Variants in CTNNA1 observed in about 807,000 individuals in gnomAD.
CTNNA1 encodes catenin alpha-1.
A neutral mutation model predicts 98.4 loss-of-function variants in CTNNA1; 37 were observed. The observed-to-expected ratio is 0.38, with a 90% confidence interval of 0.29 to 0.49. CTNNA1 has a LOEUF of 0.49. CTNNA1 is among the 20% of genes least tolerant of loss of function. The probability of loss-of-function intolerance (pLI) is 0.95; values close to 1 mark genes in which losing one functional copy is unlikely to be tolerated. For missense variants in CTNNA1, 761 were observed against 1,147.2 expected (o/e 0.66, Z 4.86); for synonymous variants, 404 against 413.2 (o/e 0.98, Z 0.27).
chr5:138,818,725 C>T lies in CTNNA1; in HGVS notation c.589-5805C>T, dbSNP rs1271605050. On this transcript the variant is annotated intron_variant, in intron 5 of 17. Coordinates refer to ENST00000302763, the MANE Select transcript of CTNNA1 (RefSeq NM_001903.5). Reference sequence around the variant, plus strand: ...GGTGTCAAGGGTTTTTGGGGTCCTCCTCTTCTTGTTTTTCTCACAGTAGGG... The same window carrying T: ...GGTGTCAAGGGTTTTTGGGGTCCTCTTCTTCTTGTTTTTCTCACAGTAGGG... Among the ~76,000 whole-genome samples, 3 of 152,092 alleles carry T rather than the reference C, an allele frequency of 2.0e-5. No homozygotes were observed. The East Asian group carries it at 5.8e-4, about 29-fold the overall frequency.
chr5:138,874,631 C>A lies in CTNNA1; in HGVS notation c.1063-11581C>A. On this transcript the variant is annotated intron_variant, in intron 7 of 17. Transcript: ENST00000302763. The surrounding 1 kb of genome is among the most constrained non-coding windows in gnomAD (Gnocchi z 4.1). ...GAACATATGGGCTATTTAAAAAAAACAACCACCACCAACATTATAGCAAAA... is the reference window on the plus strand; with the variant it reads ...GAACATATGGGCTATTTAAAAAAAAAAACCACCACCAACATTATAGCAAAA... 5.6e-6 allele frequency: 5 copies of A among 887,252 alleles called. No homozygotes were observed. The highest frequency in any genetic ancestry group is 2.7e-5 in the East Asian group (1 of 37,482). 55.0% of individuals were successfully genotyped at this position (887,252 alleles called of 1,614,324 possible).
chr5:138,848,117 A>G (rs1181281152), intron 7 of CTNNA1, among the ~76,000 whole-genome samples: 1 of 152,054 alleles, frequency 6.6e-6, no homozygotes, highest in Admixed American at 6.5e-5. Context: ...TGCTGTTGGC[A>G]TAAAGATAAA....
intron 1 of CTNNA1, among the ~76,000 whole-genome samples, chr5:138,762,608 C>A (rs1171935096): frequency 6.6e-6 from 1 of 151,664 alleles, no homozygotes; most frequent in Admixed American, 6.6e-5. Context: ...TGTCATCGAT[C>A]AACCCCTCTT....
intron 2 of CTNNA1, among the ~76,000 whole-genome samples, chr5:138,782,757 C>G (rs1215776887): frequency 6.6e-6 from 1 of 152,178 alleles, no homozygotes; most frequent in African/African-American, 2.4e-5. Context: ...CAAAAGACTT[C>G]AGAAGCAAAT....
At chr5:138,932,979 TC>T (rs1179854117) in intron 17 of CTNNA1, 2 of 766,436 alleles carry the variant, frequency 2.6e-6, no homozygotes, top group Admixed American at 1.7e-5. Flanking sequence ...TTAAAAATCT[TC>T]CTTGGGACCG....
At chr5:138,768,605 C>G in intron 1 of CTNNA1, among the ~76,000 whole-genome samples, 1 of 114,282 alleles carries the variant, frequency 8.8e-6, no homozygotes, top group Non-Finnish European at 1.6e-5. Flanking sequence ...TGCTGTGTTG[C>G]TTAGGCTGGA....
chr5:138,900,856 C>T (rs936222592), intron 9 of CTNNA1, among the ~76,000 whole-genome samples: 4 of 152,126 alleles, frequency 2.6e-5, no homozygotes, highest in South Asian at 2.1e-4. Context: ...CCTGCTCTTC[C>T]GCAAGGTCCA....
intron 5 of CTNNA1, among the ~76,000 whole-genome samples, chr5:138,819,830 G>A (rs1422821822): frequency 6.7e-6 from 1 of 149,168 alleles, no homozygotes; most frequent in Non-Finnish European, 1.5e-5. Context: ...GGAGGGGCAT[G>A]GTAGGAGGTG....
intron 7 of CTNNA1, among the ~76,000 whole-genome samples, chr5:138,881,760 G>A (rs1752951042): frequency 7.6e-6 from 1 of 131,846 alleles, no homozygotes; most frequent in African/African-American, 3.0e-5. Context: ...ATAATTCATT[G>A]TTTGTTGTTG....
At position 138,932,588 on chromosome 5, in the gene CTNNA1, C is replaced by T. The variant is rs2150349053; in HGVS notation, c.2309C>T (p.Ser770Leu). 4 of 1,614,132 alleles carry T rather than the reference C, an allele frequency of 2.5e-6. No homozygotes were observed. Among genetic ancestry groups the T allele is most frequent in the Non-Finnish European group, 2.5e-6 (3 of 1,180,006 alleles). Residue 770 changes from serine (S) to leucine (L), a missense_variant, in exon 17 of 18, where the codon TCG becomes TTG. Physicochemically the swap from Ser to Leu is moderately radical, Grantham distance 145. This residue lies in a region of CTNNA1 where 77 missense variants were observed against 198.8 expected (regional missense o/e 0.39). Transcript: ENST00000302763. ...GRTIADHCPDSACKQDLLAYL... is the reference protein window; with the variant it reads ...GRTIADHCPDLACKQDLLAYL... The stretch of plus-strand genomic sequence containing the variant: ...CTGCTCTCTCTTCAGTGCCCCGACT[C>T]GGCTTGCAAGCAGGACCTGCTGGCC...
chr5:138,830,467 C>G (rs1315279257), intron 7 of CTNNA1, among the ~76,000 whole-genome samples: 1 of 152,162 alleles, frequency 6.6e-6, no homozygotes, highest in Non-Finnish European at 1.5e-5. Context: ...TCTTTAGTTT[C>G]CTTTTATTGA....
intron 3 of CTNNA1, among the ~76,000 whole-genome samples, chr5:138,797,994 A>G (rs10078998): frequency 0.023 from 3,485 of 152,290 alleles, 137 homozygotes; most frequent in African/African-American, 0.081. Context: ...CACTATAGAC[A>G]GTGGAGTGAA....
rs368604741 is a variant in CTNNA1, at chr5:138,934,103, G to T, written c.*14G>T. 47 of 1,601,704 alleles carry T rather than the reference G, an allele frequency of 2.9e-5. No individual in the cohort carries two copies. The highest frequency in any genetic ancestry group is 4.0e-5 in the Non-Finnish European group (47 of 1,174,066). ...GACAGCATCTAAGTCTGCCCAGGCC[G>T]GCCGCCCCCACCCCTCGGGGCTCCT... On this transcript the variant is annotated 3_prime_UTR_variant, in exon 18 of 18. Coordinates refer to ENST00000302763, the MANE Select transcript of CTNNA1 (RefSeq NM_001903.5).
intron 10 of CTNNA1, among the ~76,000 whole-genome samples, chr5:138,911,667 CT>C (rs1389206934): frequency 1.3e-5 from 2 of 152,170 alleles, no homozygotes; most frequent in African/African-American, 4.8e-5. Context: ...GATTTTAGCT[CT>C]GTAAGACCCA....
intron 7 of CTNNA1, among the ~76,000 whole-genome samples, chr5:138,841,720 C>G (rs1457397980): frequency 6.6e-6 from 1 of 152,130 alleles, no homozygotes; most frequent in Non-Finnish European, 1.5e-5. Flanking sequence ...GAAATAACAT[C>G]TGGTCAGTAA....
chr5:138,823,739 C>T (rs1032549428), intron 5 of CTNNA1, among the ~76,000 whole-genome samples: 5 of 151,814 alleles, frequency 3.3e-5, no homozygotes, highest in South Asian at 2.1e-4. Flanking sequence ...GGGCGGATCA[C>T]GAGGTCAGGA....
chr5:138,766,616 C>T (rs866536542), intron 1 of CTNNA1, among the ~76,000 whole-genome samples: 6 of 151,686 alleles, frequency 4.0e-5, no homozygotes, highest in South Asian at 4.2e-4. Context: ...TACTGAGGTA[C>T]GGAGGAGAAA....
intron 7 of CTNNA1, 55 bp downstream of exon 7, chr5:138,827,773 A>G (rs1760866453): frequency 1.3e-6 from 2 of 1,598,724 alleles, no homozygotes; most frequent in Non-Finnish European, 8.5e-7. Context: ...GGAGTTTTCT[A>G]TAACATGTTG....
intron 1 of CTNNA1, among the ~76,000 whole-genome samples, chr5:138,771,679 TA>T: frequency 6.6e-6 from 1 of 152,216 alleles, no homozygotes; most frequent in African/African-American, 2.4e-5. Flanking sequence ...GAGTGTGTCT[TA>T]ATTATAAGTT....
Sources: allele counts gnomAD v4.1 joint callset (sites outside exome capture counted in the v4.1 genomes callset), GRCh38; gene constraint gnomAD v4.1.1; regional missense constraint gnomAD v4.1.1; non-coding constraint Gnocchi (gnomAD v3.1); transcripts MANE v1.5; gene names NCBI Gene and HGNC (gene_info 2026-07-23, HGNC 2026-07-21).